The following DCC variants were observed in gnomAD, a reference collection of about 807,000 sequenced individuals.
DCC encodes the protein DCC netrin 1 receptor.
A neutral mutation model predicts 172.5 loss-of-function variants in DCC; 58 were observed. That is an observed-to-expected ratio of 0.34 (90% CI 0.27 to 0.42). DCC has a LOEUF of 0.42. Ranked by LOEUF, DCC falls within the 10% of genes least tolerant of loss-of-function variation. The probability of loss-of-function intolerance (pLI) is 1.00; values close to 1 mark genes in which losing one functional copy is unlikely to be tolerated. For synonymous variants in DCC, 709 were observed against 644.5 expected, an observed-to-expected ratio of 1.10 and a Z score of -1.52; for missense variants, 1,740 against 1,791.0, an observed-to-expected ratio of 0.97 and a Z score of 0.51.
At chr18:53,249,450 G>A (rs1181369058) in intron 12 of DCC, among the ~76,000 whole-genome samples, 1 of 151,858 alleles carries the variant, frequency 6.6e-6, no homozygotes, top group South Asian at 2.1e-4. Flanking sequence ...CAAGGGCTAT[G>A]TCTACGACCT....
intron 2 of DCC, among the ~76,000 whole-genome samples, chr18:52,762,153 G>A (rs921089910): frequency 6.6e-6 from 1 of 152,108 alleles, no homozygotes; most frequent in African/African-American, 2.4e-5. Flanking sequence ...ATCCCAATGA[G>A]CATGTGTCAG....
intron 1 of DCC, among the ~76,000 whole-genome samples, chr18:52,474,206 T>TAGAGAGAGAGACAGAGAGAG (rs1491448947): frequency 3.0e-5 from 3 of 100,628 alleles, no homozygotes; most frequent in African/African-American, 1.2e-4. Context: ...GTAACAGACC[T>TAGAGAGAGAGACAGAGAGAG]AGAGAGAGAG....
At chr18:53,461,692 A>C (rs1227359399) in intron 24 of DCC, among the ~76,000 whole-genome samples, 1 of 152,244 alleles carries the variant, frequency 6.6e-6, no homozygotes, top group Non-Finnish European at 1.5e-5. Flanking sequence ...AAGAAATACA[A>C]GTATTGACTG....
chr18:53,385,922 C>G (rs747584579), intron 15 of DCC, 121 bp from the exon 16 acceptor site: 7 of 740,130 alleles, frequency 9.5e-6, no homozygotes, highest in Non-Finnish European at 1.4e-5. Context: ...CCAACTCACT[C>G]ATTCTTAAAC....
intron 1 of DCC, among the ~76,000 whole-genome samples, chr18:52,440,200 G>C (rs1159594213): frequency 6.6e-6 from 1 of 151,932 alleles, no homozygotes; most frequent in Non-Finnish European, 1.5e-5. Context: ...CATTCATCAG[G>C]GCCAGTTACA....
chr18:53,145,254 C>T (rs2043893746), intron 7 of DCC, among the ~76,000 whole-genome samples: 1 of 151,854 alleles, frequency 6.6e-6, no homozygotes, highest in Non-Finnish European at 1.5e-5. Context: ...GCTGGGACTA[C>T]AGTCGCCCGC....
At chr18:53,445,036 A>G (rs1912510097) in intron 22 of DCC, among the ~76,000 whole-genome samples, 1 of 152,164 alleles carries the variant, frequency 6.6e-6, no homozygotes, top group South Asian at 2.1e-4. Flanking sequence ...TCACATCAGC[A>G]TATTAAAAAT....
In DCC at chr18:53,011,292, T is replaced by A. The variant is rs960903395; in HGVS notation, c.986-52013T>A. Among the ~76,000 whole-genome samples, 5 of 151,854 alleles carry A rather than the reference T, an allele frequency of 3.3e-5. No homozygotes were observed. In the East Asian group the frequency reaches 9.6e-4, roughly 29 times the overall value. ...AATATTCTATTTGGAAAAATAATCC[T>A]GTTTTTAATTGCTTCATTGAATATT... On this transcript the variant is annotated intron_variant, in intron 5 of 28. Transcript: ENST00000442544.
At position 53,316,221 on chromosome 18, in the gene DCC, C is replaced by T. The variant is rs566426289; in HGVS notation, c.2054-5826C>T. ...TTTATTAAATAGGGAATCCTTTCCC[C>T]ATTGCTTGTTTTTCTCTAGTTTGTC... On this transcript the variant is annotated intron_variant, in intron 13 of 28. Transcript: ENST00000442544. Among the ~76,000 whole-genome samples, 7 of 152,236 alleles carry T rather than the reference C, an allele frequency of 4.6e-5. No homozygotes were observed. In the South Asian group the frequency reaches 8.3e-4, roughly 18 times the overall value.
intron 2 of DCC, among the ~76,000 whole-genome samples, chr18:52,902,908 G>A (rs2039830436): frequency 6.6e-6 from 1 of 152,140 alleles, no homozygotes; most frequent in South Asian, 2.1e-4. Context: ...TTCAAACATT[G>A]CATTGTTAAC....
intron 1 of DCC, among the ~76,000 whole-genome samples, chr18:52,543,280 TATC>T (rs773219952): frequency 5.9e-5 from 9 of 152,224 alleles, no homozygotes; most frequent in Non-Finnish European, 1.3e-4. Flanking sequence ...TTTAAAATGT[TATC>T]ATTTCAACAT....
chr18:52,481,608 G>GTT (rs951823802), intron 1 of DCC, among the ~76,000 whole-genome samples: 1 of 151,814 alleles, frequency 6.6e-6, no homozygotes, highest in Non-Finnish European at 1.5e-5. Context: ...CATACATAAA[G>GTT]AGTCTACTAG....
At chr18:53,288,743 A>G (rs1308235699) in intron 12 of DCC, among the ~76,000 whole-genome samples, 1 of 152,110 alleles carries the variant, frequency 6.6e-6, no homozygotes, top group African/African-American at 2.4e-5. Context: ...AACTACTTCT[A>G]ACTGTTCTTA....
intron 1 of DCC, among the ~76,000 whole-genome samples, chr18:52,587,688 A>G (rs2033706941): frequency 6.6e-6 from 1 of 152,168 alleles, no homozygotes; most frequent in Non-Finnish European, 1.5e-5. Flanking sequence ...CATTGGGAAG[A>G]TTTACCTTCA....
At chr18:52,835,193 C>T (rs2038683181) in intron 2 of DCC, among the ~76,000 whole-genome samples, 1 of 152,026 alleles carries the variant, frequency 6.6e-6, no homozygotes, top group Non-Finnish European at 1.5e-5. Flanking sequence ...CACGTATGGC[C>T]ATGGATAAAC....
intron 8 of DCC, among the ~76,000 whole-genome samples, chr18:53,172,495 A>G (rs1479838275): frequency 2.0e-5 from 3 of 152,196 alleles, no homozygotes; most frequent in African/African-American, 4.8e-5. Flanking sequence ...AATAAAATAC[A>G]GAATAATACC....
intron 5 of DCC, among the ~76,000 whole-genome samples, chr18:52,927,114 T>G (rs1414023714): frequency 9.4e-6 from 1 of 106,242 alleles, no homozygotes; most frequent in Admixed American, 8.7e-5. Flanking sequence ...TACACGTATA[T>G]ACGTGTATAT....
At chr18:52,763,874 A>G (rs891769837) in intron 2 of DCC, among the ~76,000 whole-genome samples, 2 of 152,154 alleles carry the variant, frequency 1.3e-5, no homozygotes, top group African/African-American at 4.8e-5. Flanking sequence ...GCATCTTCCT[A>G]TATTTGTTCT....
At chr18:52,817,727 T>G (rs1464594948) in intron 2 of DCC, among the ~76,000 whole-genome samples, 1 of 152,178 alleles carries the variant, frequency 6.6e-6, no homozygotes, top group Non-Finnish European at 1.5e-5. Flanking sequence ...TAACACTGCA[T>G]TTTTAGAAAA....
Sources: gnomAD v4.1 joint callset for allele counts (sites outside exome capture counted in the v4.1 genomes callset) on GRCh38, gnomAD v4.1.1 for gene constraint, MANE v1.5 for transcripts, NCBI Gene and HGNC (gene_info 2026-07-23, HGNC 2026-07-21) for gene names.